FRAS1: variants seen among roughly 807,000 people sequenced by gnomAD.
The protein encoded by FRAS1 is extracellular matrix organizing protein FRAS1.
In FRAS1, 290 loss-of-function variants were observed where a neutral mutation model predicts 435.2. The ratio of observed to expected loss-of-function variants is 0.67; its 90% CI spans 0.61 to 0.73. The LOEUF is 0.73. Ranked by LOEUF, FRAS1 falls within the 30% of genes least tolerant of loss-of-function variation. FRAS1 has a pLI of 0.00. For missense variants in FRAS1, 4,860 were observed against 5,001.5 expected, an observed-to-expected ratio of 0.97 and a Z score of 0.85; for synonymous variants, 1,800 against 1,851.0, an observed-to-expected ratio of 0.97 and a Z score of 0.71.
chr4:78,519,700 C>T (rs552774432), intron 67 of FRAS1, among the ~76,000 whole-genome samples: 48 of 152,136 alleles, frequency 3.2e-4, no homozygotes, highest in Non-Finnish European at 5.6e-4. Flanking sequence ...AAGGTCCCAG[C>T]GTAGAGGATG....
chr4:78,112,109 T>G (rs1324730620), intron 2 of FRAS1, among the ~76,000 whole-genome samples: 1 of 152,172 alleles, frequency 6.6e-6, no homozygotes, highest in African/African-American at 2.4e-5. Flanking sequence ...TTTCTGTATT[T>G]TTCATATCAT....
chr4:78,202,695 GA>G (rs926368585), intron 2 of FRAS1, among the ~76,000 whole-genome samples: 10 of 149,350 alleles, frequency 6.7e-5, no homozygotes, highest in South Asian at 2.1e-4. Flanking sequence ...CATCTCAAAA[GA>G]AAAAAAAAAT....
intron 2 of FRAS1, among the ~76,000 whole-genome samples, chr4:78,111,752 T>TAAAAAA (rs564909222): frequency 4.8e-5 from 5 of 105,068 alleles, no homozygotes; most frequent in African/African-American, 1.8e-4. Context: ...TAGAGTATAA[T>TAAAAAA]AAAAAAAAAA....
At chr4:78,404,765 G>A (rs953567933) in intron 30 of FRAS1, among the ~76,000 whole-genome samples, 1 of 152,068 alleles carries the variant, frequency 6.6e-6, no homozygotes, top group African/African-American at 2.4e-5. Flanking sequence ...CTCTCCTCTG[G>A]ATTTGTCAGT....
chr4:78,530,907 T>C (rs1053099547), intron 70 of FRAS1, among the ~76,000 whole-genome samples: 1 of 152,210 alleles, frequency 6.6e-6, no homozygotes, highest in Non-Finnish European at 1.5e-5. Flanking sequence ...GGGAATAGCA[T>C]TGAATATCTA....
At chr4:78,259,583 G>A (rs896343951) in intron 6 of FRAS1, among the ~76,000 whole-genome samples, 3 of 151,160 alleles carry the variant, frequency 2.0e-5, no homozygotes, top group African/African-American at 7.3e-5. Flanking sequence ...ATTTGTTTGA[G>A]TTCATTGTAG....
Position 78,451,907 on chromosome 4 carries a change from A to G in FRAS1, c.6583+16A>G, listed in dbSNP as rs1172921927. The G allele has an allele frequency of 1.9e-6, 3 of 1,598,532 alleles. No individual in the cohort carries two copies. The South Asian group carries it at 3.4e-5, about 18-fold the overall frequency. On this transcript the variant is annotated intron_variant, in intron 46 of 73. Transcript: ENST00000512123. ...AGCATTCTAGGTAAAGAGACATTTG[A>G]TTTTCTAATATAAAACTATTTTAGC...
chr4:78,307,764 T>C (rs1348301100), intron 14 of FRAS1, among the ~76,000 whole-genome samples: 1 of 152,198 alleles, frequency 6.6e-6, no homozygotes, highest in East Asian at 1.9e-4. Flanking sequence ...CTGGCATTCC[T>C]TAGTGAGATC....
intron 2 of FRAS1, among the ~76,000 whole-genome samples, chr4:78,212,580 A>G (rs1454426044): frequency 1.3e-5 from 2 of 152,238 alleles, no homozygotes; most frequent in Non-Finnish European, 1.5e-5. Context: ...ACCTAGGGAT[A>G]GAAATGTCTC....
At chr4:78,386,388 A>G (rs1421497242) in intron 28 of FRAS1, among the ~76,000 whole-genome samples, 1 of 152,112 alleles carries the variant, frequency 6.6e-6, no homozygotes, top group Non-Finnish European at 1.5e-5. Context: ...ACTCTTTCCC[A>G]TGTATAGAAT....
intron 53 of FRAS1, among the ~76,000 whole-genome samples, chr4:78,474,436 A>C (rs544718636): frequency 6.6e-6 from 1 of 152,296 alleles, no homozygotes; most frequent in Non-Finnish European, 1.5e-5. Context: ...AAAAAGGAAG[A>C]CTTAAAACCT....
intron 9 of FRAS1, among the ~76,000 whole-genome samples, chr4:78,277,106 C>T (rs1426438183): frequency 1.3e-5 from 2 of 152,200 alleles, no homozygotes; most frequent in African/African-American, 2.4e-5. Context: ...GCATGGGACC[C>T]TCCGAGCCAG....
At chr4:78,164,728 G>A (rs977939751) in intron 2 of FRAS1, among the ~76,000 whole-genome samples, 15 of 152,014 alleles carry the variant, frequency 9.9e-5, no homozygotes, top group Non-Finnish European at 4.4e-5. Flanking sequence ...TTTTTAAAAA[G>A]CTTTATAATA....
At chr4:78,221,223 T>C (rs773610520) in intron 2 of FRAS1, among the ~76,000 whole-genome samples, 1 of 152,212 alleles carries the variant, frequency 6.6e-6, no homozygotes, top group African/African-American at 2.4e-5. Flanking sequence ...AATGGTAATA[T>C]AGAATTTATT....
chr4:78,171,483 T>C (rs987311630), intron 2 of FRAS1, among the ~76,000 whole-genome samples: 6 of 152,190 alleles, frequency 3.9e-5, no homozygotes, highest in Non-Finnish European at 8.8e-5. Context: ...TTCAACTTGC[T>C]CTTTTTCATG....
At chr4:78,365,689 A>G (rs1731236233) in intron 22 of FRAS1, among the ~76,000 whole-genome samples, 1 of 150,426 alleles carries the variant, frequency 6.6e-6, no homozygotes, top group African/African-American at 2.4e-5. Context: ...TCATTCTGAG[A>G]TTGAAAAAAT....
intron 15 of FRAS1, among the ~76,000 whole-genome samples, chr4:78,310,862 T>G (rs1047448678): frequency 6.6e-6 from 1 of 152,210 alleles, no homozygotes; most frequent in African/African-American, 2.4e-5. Context: ...GTTTAACAAT[T>G]TATAACCTAC....
intron 2 of FRAS1, among the ~76,000 whole-genome samples, chr4:78,124,402 G>A (rs1029167043): frequency 2.1e-4 from 32 of 152,120 alleles, no homozygotes; most frequent in African/African-American, 7.2e-4. Context: ...TTTTTGCATC[G>A]ATGTTCATCA....
intron 1 of FRAS1, among the ~76,000 whole-genome samples, chr4:78,059,397 T>C (rs1443882905): frequency 6.6e-6 from 1 of 151,890 alleles, no homozygotes; most frequent in East Asian, 1.9e-4. Flanking sequence ...GTGTCAAGTG[T>C]GTATAATCTC....
Sources: allele counts gnomAD v4.1 joint callset (sites outside exome capture counted in the v4.1 genomes callset), GRCh38; gene constraint gnomAD v4.1.1; transcripts MANE v1.5; gene names NCBI Gene and HGNC (gene_info 2026-07-23, HGNC 2026-07-21).